Variants in SPIRE1 observed in about 807,000 individuals in gnomAD.
SPIRE1 encodes the protein spire type actin nucleation factor 1, also known as protein spire homolog 1.
Under a neutral mutation model 94.1 loss-of-function variants are expected in SPIRE1, and 40 were observed. The ratio of observed to expected loss-of-function variants is 0.43; its 90% CI spans 0.33 to 0.55. SPIRE1 has a LOEUF of 0.55. Among genes scored for constraint, SPIRE1 ranks in the 20% least tolerant of loss-of-function variants. SPIRE1 has a pLI of 0.06. For missense variants in SPIRE1, 838 were observed against 975.2 expected (o/e 0.86, Z 1.87); for synonymous variants, 376 against 371.7 (o/e 1.01, Z -0.13).
chr18:12,558,841 CTAGA>C (rs2035598622), intron 2 of SPIRE1, among the ~76,000 whole-genome samples: 1 of 152,078 alleles, frequency 6.6e-6, no homozygotes, highest in Non-Finnish European at 1.5e-5. Flanking sequence ...ACCAGATTAG[CTAGA>C]TACAGAGTGC....
At position 12,596,771 on chromosome 18, in the gene SPIRE1, G is replaced by A. The variant is rs1181808151; in HGVS notation, c.372+38291C>T. On this transcript the variant is annotated intron_variant, in intron 2 of 16. Transcript: ENST00000409402. Reference sequence around the variant, plus strand: ...AATTTTTAAGAAATGCCTATCAACTGACAAAATACAGTTGGGAAATTTGAC... The same window carrying A: ...AATTTTTAAGAAATGCCTATCAACTAACAAAATACAGTTGGGAAATTTGAC... 3.9e-5 allele frequency among the ~76,000 whole-genome samples: 6 copies of A among 152,236 alleles called. No individual in the cohort carries two copies. The East Asian group carries it at 1.2e-3, about 29-fold the overall frequency.
chr18:12,455,826 A>G (rs2031482279), intron 12 of SPIRE1, among the ~76,000 whole-genome samples: 2 of 152,218 alleles, frequency 1.3e-5, no homozygotes, highest in South Asian at 4.1e-4. Context: ...CCAACACGCC[A>G]GTGAGAAAGC....
chr18:12,646,807 G>A (rs1411011383), intron 1 of SPIRE1, among the ~76,000 whole-genome samples: 1 of 152,106 alleles, frequency 6.6e-6, no homozygotes, highest in African/African-American at 2.4e-5. Flanking sequence ...CACTTTGGGA[G>A]ACGGAGGCGT....
At chr18:12,656,727 C>G in intron 1 of SPIRE1, 1 of 976,722 alleles carries the variant, frequency 1.0e-6, no homozygotes. Context: ...CAATGAGCAT[C>G]TGAGTAAACC....
intron 2 of SPIRE1, among the ~76,000 whole-genome samples, chr18:12,622,168 G>A (rs1904323475): frequency 6.6e-6 from 1 of 152,012 alleles, no homozygotes; most frequent in African/African-American, 2.4e-5. Flanking sequence ...CTTACCATGG[G>A]TCAGTTGGGT....
intron 1 of SPIRE1, among the ~76,000 whole-genome samples, chr18:12,654,028 T>A (rs1413782914): frequency 2.0e-5 from 3 of 151,398 alleles, no homozygotes; most frequent in Non-Finnish European, 4.4e-5. Flanking sequence ...CATATAATCA[T>A]GATAAATACA....
chr18:12,507,114 C>T (rs2033861508), intron 5 of SPIRE1, among the ~76,000 whole-genome samples: 1 of 152,188 alleles, frequency 6.6e-6, no homozygotes, highest in Non-Finnish European at 1.5e-5. Flanking sequence ...CTGGGTTAGC[C>T]TGTGGTCCCG....
chr18:12,474,787 C>T (rs978655867), intron 10 of SPIRE1, among the ~76,000 whole-genome samples: 3 of 152,058 alleles, frequency 2.0e-5, no homozygotes, highest in African/African-American at 2.4e-5. Context: ...CCACTGTGTT[C>T]CAGCCTTGGC....
intron 5 of SPIRE1, among the ~76,000 whole-genome samples, chr18:12,507,765 T>C (rs2033886859): frequency 6.6e-6 from 1 of 152,148 alleles, no homozygotes; most frequent in Admixed American, 6.6e-5. Context: ...TTTAACTCTT[T>C]TGTTCTCCTG....
chr18:12,486,522 T>C (rs12607911), intron 8 of SPIRE1, among the ~76,000 whole-genome samples: 5,107 of 152,290 alleles, frequency 0.034, 127 homozygotes, highest in Admixed American at 0.078. Context: ...CTATCTATTG[T>C]AGGCCATATA....
chr18:12,489,991 C>T (rs1283598194), intron 8 of SPIRE1, among the ~76,000 whole-genome samples: 1 of 152,056 alleles, frequency 6.6e-6, no homozygotes, highest in Admixed American at 6.6e-5. Flanking sequence ...GTTAATTCTG[C>T]CAATATTATC....
At chr18:12,520,982 C>A (rs565787221) in intron 4 of SPIRE1, among the ~76,000 whole-genome samples, 5 of 152,174 alleles carry the variant, frequency 3.3e-5, no homozygotes, top group Admixed American at 2.6e-4. Flanking sequence ...ATGACACTGG[C>A]GGATTTGGCT....
intron 2 of SPIRE1, among the ~76,000 whole-genome samples, chr18:12,631,658 G>A (rs145377562): frequency 4.0e-5 from 6 of 151,382 alleles, no homozygotes; most frequent in East Asian, 1.9e-4. Context: ...GGAGGATCAC[G>A]AGGTCAGGAG....
intron 2 of SPIRE1, among the ~76,000 whole-genome samples, chr18:12,557,060 G>A (rs777145184): frequency 1.3e-5 from 2 of 152,200 alleles, no homozygotes; most frequent in Non-Finnish European, 2.9e-5. Flanking sequence ...GTCCCCACCC[G>A]ACTCAGAAGC....
At chr18:12,525,732 C>G (rs2034502192) in intron 4 of SPIRE1, among the ~76,000 whole-genome samples, 1 of 152,066 alleles carries the variant, frequency 6.6e-6, no homozygotes, top group Non-Finnish European at 1.5e-5. Context: ...ACAGATTTAC[C>G]AAGATTTCTG....
chr18:12,603,576 T>A (rs1201055466), intron 2 of SPIRE1, among the ~76,000 whole-genome samples: 1 of 29,946 alleles, frequency 3.3e-5, no homozygotes, highest in Non-Finnish European at 1.4e-4. Flanking sequence ...AGTAGCCAAT[T>A]TTTTTTTTTT....
At chr18:12,451,588 G>T (rs2031238963) in intron 16 of SPIRE1, among the ~76,000 whole-genome samples, 1 of 152,200 alleles carries the variant, frequency 6.6e-6, no homozygotes, top group Admixed American at 6.6e-5. Context: ...AGACGTTTCA[G>T]GCACAAGGTT....
intron 2 of SPIRE1, among the ~76,000 whole-genome samples, chr18:12,622,217 T>C (rs1278915553): frequency 6.6e-6 from 1 of 152,140 alleles, no homozygotes; most frequent in Non-Finnish European, 1.5e-5. Context: ...ACCACTATTA[T>C]TATGGTACCA....
intron 10 of SPIRE1, among the ~76,000 whole-genome samples, chr18:12,467,290 C>A (rs998486371): frequency 1.3e-5 from 2 of 151,962 alleles, no homozygotes; most frequent in African/African-American, 2.4e-5. Context: ...AAAACAAAAA[C>A]CAAAAAACCC....
Sources: gnomAD v4.1 joint callset for allele counts (sites outside exome capture counted in the v4.1 genomes callset) on GRCh38, gnomAD v4.1.1 for gene constraint, MANE v1.5 for transcripts, NCBI Gene and HGNC (gene_info 2026-07-23, HGNC 2026-07-21) for gene names.